The following GAB2 variants were observed in gnomAD, a reference collection of about 807,000 sequenced individuals.
The protein encoded by GAB2 is GRB2 associated binding protein 2.
GAB2 carries 26 observed loss-of-function variants against 65.5 expected under a neutral mutation model. That is an observed-to-expected ratio of 0.40 (90% CI 0.29 to 0.55). The LOEUF (loss-of-function observed/expected upper bound fraction) is 0.55. GAB2 is among the 20% of genes least tolerant of loss of function. The probability of loss-of-function intolerance (pLI) is 0.53; values close to 1 mark genes in which losing one functional copy is unlikely to be tolerated. For synonymous variants in GAB2, 321 were observed against 329.6 expected (o/e 0.97, Z 0.28); for missense variants, 884 against 875.8 (o/e 1.01, Z -0.12).
At chr11:78,408,647 A>C in intron 1 of GAB2, among the ~76,000 whole-genome samples, 1 of 152,206 alleles carries the variant, frequency 6.6e-6, no homozygotes, top group East Asian at 1.9e-4. Context: ...CCCAAATCTG[A>C]GGTCAAATTG....
At chr11:78,224,958 A>G in intron 5 of GAB2, 150 bp downstream of exon 5, 2 of 606,168 alleles carry the variant, frequency 3.3e-6, no homozygotes, top group Non-Finnish European at 5.9e-6. Context: ...CAAAGACTCA[A>G]CGCAGGGTTC....
At chr11:78,360,144 A>T (rs1856414601) in intron 1 of GAB2, among the ~76,000 whole-genome samples, 1 of 152,128 alleles carries the variant, frequency 6.6e-6, no homozygotes, top group East Asian at 1.9e-4. Context: ...GAGGCAAAAG[A>T]TTTTCCCCAG....
Position 78,223,510 on chromosome 11 carries a change from C to T in GAB2, c.1469G>A (p.Gly490Asp). Residue 490 changes from glycine (G) to aspartate (D), a missense_variant, in exon 6 of 10, where the codon GGC (glycine) becomes GAC (aspartate). Transcript: ENST00000361507. Reference protein sequence around the residue: ...SPGAHHFDSLGYPSTTLPVHR... With the variant: ...SPGAHHFDSLDYPSTTLPVHR... ...CACAGGAAGGGTTGTTGATGGGTAG[C>T]CAAGTGAGTCAAAGTGATGGGCCCC... 6.2e-7 allele frequency: 1 copy of T among 1,612,116 alleles called. No individual in the cohort carries two copies. The highest frequency in any genetic ancestry group is 8.5e-7 in the Non-Finnish European group (1 of 1,179,116).
chr11:78,352,652 G>A (rs1856296725), intron 1 of GAB2, among the ~76,000 whole-genome samples: 1 of 152,130 alleles, frequency 6.6e-6, no homozygotes, highest in Non-Finnish European at 1.5e-5. Context: ...TGAATCAAAA[G>A]CAATTATACA....
chr11:78,363,936 G>A (rs940748245), intron 1 of GAB2: 2 of 151,998 alleles, frequency 1.3e-5, no homozygotes, highest in Non-Finnish European at 2.9e-5. Flanking sequence ...TGGAGTGGTA[G>A]ATATACAAGC....
At chr11:78,400,901 CAAAAAAAAA>C (rs59240034) in intron 1 of GAB2, among the ~76,000 whole-genome samples, 4 of 65,246 alleles carry the variant, frequency 6.1e-5, no homozygotes, top group African/African-American at 1.2e-4. Flanking sequence ...GAGACTGTCT[CAAAAAAAAA>C]AAAAAAAAAA....
At chr11:78,403,610 A>G (rs1308896912) in intron 1 of GAB2, among the ~76,000 whole-genome samples, 2 of 152,248 alleles carry the variant, frequency 1.3e-5, no homozygotes, top group Non-Finnish European at 2.9e-5. Context: ...GGACTTAAAT[A>G]TGAGACCTGA....
chr11:78,378,329 G>A (rs1294499244), intron 1 of GAB2, among the ~76,000 whole-genome samples: 1 of 152,148 alleles, frequency 6.6e-6, no homozygotes, highest in Non-Finnish European at 1.5e-5. Flanking sequence ...GTGTGCCCAA[G>A]GTCGCCTGGT....
chr11:78,278,973 C>A (rs534548978), intron 2 of GAB2, among the ~76,000 whole-genome samples: 73 of 146,586 alleles, frequency 5.0e-4, no homozygotes, highest in African/African-American at 1.6e-3. Context: ...CCAGCTGGGG[C>A]CCCTTTCCCT....
chr11:78,324,456 G>T (rs1855787290), intron 1 of GAB2, among the ~76,000 whole-genome samples: 1 of 152,146 alleles, frequency 6.6e-6, no homozygotes, highest in African/African-American at 2.4e-5. Context: ...ATTCCACTCA[G>T]ACAGAAGATT....
chr11:78,257,558 C>G (rs1471970500), intron 2 of GAB2, among the ~76,000 whole-genome samples: 2 of 152,170 alleles, frequency 1.3e-5, no homozygotes, highest in East Asian at 1.9e-4. Context: ...TCTTATTGCT[C>G]CTATTCCTGG....
At chr11:78,317,558 C>CAAAAAAAAAAA (rs370515492) in intron 1 of GAB2, among the ~76,000 whole-genome samples, 1 of 60,804 alleles carries the variant, frequency 1.6e-5, no homozygotes, top group African/African-American at 6.2e-5. Flanking sequence ...GACTCCGTCT[C>CAAAAAAAAAAA]AAAAAAAAAA....
At chr11:78,350,567 A>C (rs904582478) in intron 1 of GAB2, among the ~76,000 whole-genome samples, 1 of 152,336 alleles carries the variant, frequency 6.6e-6, no homozygotes, top group South Asian at 2.1e-4. Context: ...TCATTGTTAC[A>C]CTATAAATTA....
intron 1 of GAB2, among the ~76,000 whole-genome samples, chr11:78,332,666 T>A (rs1190609795): frequency 6.6e-6 from 1 of 152,184 alleles, no homozygotes; most frequent in South Asian, 2.1e-4. Context: ...ATGCAGGAAA[T>A]TTATCTGCAC....
At chr11:78,250,091 G>A in intron 3 of GAB2, 66 bp downstream of exon 3, 8 of 1,517,316 alleles carry the variant, frequency 5.3e-6, no homozygotes, top group Non-Finnish European at 7.3e-6. Flanking sequence ...AAAAAAGCAA[G>A]GACTGAAAAG....
At chr11:78,395,196 G>A (rs757280577) in intron 1 of GAB2, among the ~76,000 whole-genome samples, 35 of 152,260 alleles carry the variant, frequency 2.3e-4, no homozygotes, top group Non-Finnish European at 1.0e-4. Flanking sequence ...GCTCACGCCT[G>A]TAATCCCAGC....
intron 3 of GAB2, among the ~76,000 whole-genome samples, chr11:78,245,141 G>A (rs1865261686): frequency 6.6e-6 from 1 of 152,134 alleles, no homozygotes; most frequent in Non-Finnish European, 1.5e-5. Context: ...TAGAATGGTG[G>A]TTTTCAGGGC....
intron 1 of GAB2, among the ~76,000 whole-genome samples, chr11:78,323,008 C>T (rs1855754868): frequency 6.8e-6 from 1 of 147,818 alleles, no homozygotes; most frequent in African/African-American, 2.4e-5. Flanking sequence ...ACCAGAAAGA[C>T]ATATGCACTC....
In GAB2 at chr11:78,230,605, G is replaced by A. The variant is rs576265086; in HGVS notation, c.621-3554C>T. Among the ~76,000 whole-genome samples, 8 of 152,350 alleles carry A rather than the reference G, an allele frequency of 5.3e-5. No individual in the cohort carries two copies. The South Asian group carries it at 1.7e-3, about 32-fold the overall frequency. ...CTACCAGACCATGTGCTCCTAGAAG[G>A]CAGAGGGCCATATCCTGTACCCTGG... On this transcript the variant is annotated intron_variant, in intron 3 of 9. Coordinates refer to ENST00000361507, the MANE Select transcript of GAB2 (RefSeq NM_080491.3).
Sources: gnomAD v4.1 joint callset for allele counts (sites outside exome capture counted in the v4.1 genomes callset) on GRCh38, gnomAD v4.1.1 for gene constraint, MANE v1.5 for transcripts, NCBI Gene and HGNC (gene_info 2026-07-23, HGNC 2026-07-21) for gene names.